The following ZYG11B variants were observed in gnomAD, a reference collection of about 807,000 sequenced individuals.
ZYG11B encodes protein zyg-11 homolog B.
ZYG11B carries 36 observed loss-of-function variants against 82.4 expected under a neutral mutation model. That is an observed-to-expected ratio of 0.44 (90% CI 0.33 to 0.58). The LOEUF is 0.58. Ranked by LOEUF, ZYG11B falls within the 20% of genes least tolerant of loss-of-function variation. ZYG11B has a pLI of 0.02. For missense variants in ZYG11B, 552 were observed against 895.6 expected (o/e 0.62, Z 4.90); for synonymous variants, 303 against 312.8 (o/e 0.97, Z 0.33).
At chr1:52,737,819 A>G (rs1387397538) in intron 1 of ZYG11B, among the ~76,000 whole-genome samples, 1 of 152,256 alleles carries the variant, frequency 6.6e-6, no homozygotes, top group Non-Finnish European at 1.5e-5. Flanking sequence ...TGTTTGATAG[A>G]GAATTGCATA....
chr1:52,802,340 C>CT (rs397980205), intron 10 of ZYG11B, among the ~76,000 whole-genome samples: 1,439 of 77,866 alleles, frequency 0.018, 14 homozygotes, highest in Non-Finnish European at 0.024. Flanking sequence ...TTCTTTCTCT[C>CT]TTTTTTTTTT....
In ZYG11B at chr1:52,813,688, T is replaced by C. The variant is rs1188567605; in HGVS notation, c.1848T>C (p.Ala616=). 1.9e-6 allele frequency: 3 copies of C among 1,614,158 alleles called. No homozygotes were observed. Among genetic ancestry groups the C allele is most frequent in the African/African-American group, 2.7e-5 (2 of 75,056 alleles). Residue 616 remains alanine (A), a synonymous_variant, in exon 11 of 14, where the codon GCT becomes GCC. Transcript: ENST00000294353. ...ATTTAATATCCAGAGGTGAACAAGC[T>C]TGGACATTGAGTCGTAGCCAGAGGA... ...IAHLISRGEQ[A]WTLSRSQRNS... is the part of the protein sequence containing the mutation.
At chr1:52,790,715 CAAAAAAAAAAAAA>C (rs755866491) in intron 6 of ZYG11B, among the ~76,000 whole-genome samples, 1 of 49,706 alleles carries the variant, frequency 2.0e-5, no homozygotes, top group African/African-American at 8.0e-5. Context: ...AAGACTGTCT[CAAAAAAAAAAAAA>C]AAAAAAAAAA....
At chr1:52,783,893 C>T (rs72893498) in intron 4 of ZYG11B, among the ~76,000 whole-genome samples, 7,849 of 81,390 alleles carry the variant, frequency 0.096, 464 homozygotes, top group East Asian at 0.38. Context: ...TATGTACATA[C>T]ACGTGTGTGT....
chr1:52,785,471 T>A (rs942619473), intron 5 of ZYG11B, among the ~76,000 whole-genome samples: 5 of 152,150 alleles, frequency 3.3e-5, no homozygotes, highest in African/African-American at 1.2e-4. Flanking sequence ...AATTTTTTTG[T>A]TTTTTAAACA....
rs1358071862 is a variant in ZYG11B at position 52,791,074 on chromosome 1, T to A, written c.1334+1007T>A. On this transcript the variant is annotated intron_variant, in intron 6 of 13. Transcript: ENST00000294353. Reference sequence around the variant, plus strand: ...GCAACCTCCTCCTCCTGAGTTTAAGTGATTCTCCTACCTGAGCTAACTGAG... The same window carrying A: ...GCAACCTCCTCCTCCTGAGTTTAAGAGATTCTCCTACCTGAGCTAACTGAG... Among the ~76,000 whole-genome samples the A allele has an allele frequency of 3.3e-5, 5 of 151,580 alleles. No homozygotes were observed. In the East Asian group the frequency reaches 9.8e-4, roughly 30 times the overall value.
At chr1:52,745,762 C>A (rs187621302) in intron 1 of ZYG11B, among the ~76,000 whole-genome samples, 1 of 151,896 alleles carries the variant, frequency 6.6e-6, no homozygotes, top group Admixed American at 6.6e-5. Context: ...TGGGGTTTCA[C>A]CATGTTGGCC....
chr1:52,774,730 G>A (rs749225999), intron 3 of ZYG11B, among the ~76,000 whole-genome samples: 3 of 150,420 alleles, frequency 2.0e-5, no homozygotes, highest in Admixed American at 6.7e-5. Flanking sequence ...GCCTAGCCTG[G>A]CTTTCTTACC....
intron 5 of ZYG11B, 87 bp from the exon 6 acceptor site, chr1:52,789,915 CT>C (rs58685388): frequency 0.14 from 102,242 of 705,314 alleles, 580 homozygotes; most frequent in Middle Eastern, 0.16. Flanking sequence ...CAGTCTTCTT[CT>C]TTTTTTTTTT....
In ZYG11B at chr1:52,776,229, A is replaced by ATATATATATATATATATAT. The variant is rs1553260250; in HGVS notation, c.952-3624_952-3623insTATATATATATATATATAT. 1.4e-3 allele frequency among the ~76,000 whole-genome samples: 34 copies of ATATATATATATATATATAT among 23,544 alleles called. 2 individuals carry two copies. Among genetic ancestry groups the ATATATATATATATATATAT allele is most frequent in the Non-Finnish European group, 3.3e-3 (29 of 8,664 alleles). 15.4% of individuals were successfully genotyped at this position (23,544 alleles called of 152,430 possible). On this transcript the variant is annotated intron_variant, in intron 3 of 13. Transcript: ENST00000294353. ...AGCAAAACTCTGTCTTAAAAAAAAA[A>ATATATATATATATATATAT]ATATATATATATATATGCAATAAAG... is the stretch of plus-strand genomic sequence containing the variant.
intron 10 of ZYG11B, among the ~76,000 whole-genome samples, chr1:52,807,483 T>C (rs1571797150): frequency 6.9e-6 from 1 of 145,096 alleles, no homozygotes; most frequent in East Asian, 2.1e-4. Context: ...TCAGAATTGC[T>C]AAGAGTACTT....
intron 1 of ZYG11B, among the ~76,000 whole-genome samples, chr1:52,738,264 A>T (rs1313197029): frequency 6.6e-6 from 1 of 152,058 alleles, no homozygotes; most frequent in Non-Finnish European, 1.5e-5. Flanking sequence ...AGGCTGGAGT[A>T]CAGTGGTGGC....
intron 4 of ZYG11B, among the ~76,000 whole-genome samples, chr1:52,783,836 G>GCA (rs1644879976): frequency 2.0e-5 from 3 of 146,924 alleles, no homozygotes; most frequent in East Asian, 2.0e-4. Context: ...ACATACGTGT[G>GCA]TATATGTACA....
intron 12 of ZYG11B, among the ~76,000 whole-genome samples, chr1:52,815,008 G>C (rs1330097541): frequency 6.6e-6 from 1 of 151,988 alleles, no homozygotes; most frequent in African/African-American, 2.4e-5. Flanking sequence ...AAAGAACAAA[G>C]TTAGTGGGGC....
intron 2 of ZYG11B, 68 bp downstream of exon 2, chr1:52,756,691 G>A: frequency 2.1e-6 from 3 of 1,458,250 alleles, no homozygotes; most frequent in Admixed American, 2.1e-5. Flanking sequence ...AAGTGCTACA[G>A]TAGCCATTTA....
intron 5 of ZYG11B, among the ~76,000 whole-genome samples, chr1:52,788,713 G>T (rs1644932849): frequency 6.6e-6 from 1 of 152,148 alleles, no homozygotes; most frequent in Non-Finnish European, 1.5e-5. Flanking sequence ...CTGGGTGACA[G>T]AGCGAGACCC....
At chr1:52,805,972 C>G (rs1645138752) in intron 10 of ZYG11B, among the ~76,000 whole-genome samples, 1 of 152,054 alleles carries the variant, frequency 6.6e-6, no homozygotes, top group Non-Finnish European at 1.5e-5. Flanking sequence ...GGCTCTGTCT[C>G]CAACCTTTCG....
chr1:52,821,416 G>A (rs966404859), intron 13 of ZYG11B, 23 bp from the exon 14 acceptor site: 2 of 1,534,826 alleles, frequency 1.3e-6, no homozygotes, highest in Non-Finnish European at 8.8e-7. Flanking sequence ...CCTGTTTTGT[G>A]TGTGTTTTTT....
intron 1 of ZYG11B, among the ~76,000 whole-genome samples, chr1:52,728,282 G>T (rs1447937482): frequency 3.3e-5 from 5 of 152,154 alleles, no homozygotes; most frequent in Admixed American, 3.3e-4. Context: ...GTTTGGAGAC[G>T]ATCTTGCTCT....
Sources: allele counts gnomAD v4.1 joint callset (sites outside exome capture counted in the v4.1 genomes callset), GRCh38; gene constraint gnomAD v4.1.1; transcripts MANE v1.5; gene names NCBI Gene and HGNC (gene_info 2026-07-23, HGNC 2026-07-21).